Variants in CTNND2 observed in about 807,000 individuals in gnomAD.
CTNND2 encodes catenin delta 2.
In CTNND2, 22 loss-of-function variants were observed where a neutral mutation model predicts 144.4. The observed-to-expected ratio is 0.15, with a 90% CI of 0.11 to 0.22. CTNND2 has a LOEUF of 0.22. Ranked by LOEUF, CTNND2 falls within the 10% of genes least tolerant of loss-of-function variation. The pLI, the probability that CTNND2 is intolerant of heterozygous loss-of-function variation, is 1.00. For synonymous variants in CTNND2, 751 were observed against 695.6 expected, an observed-to-expected ratio of 1.08 and a Z score of -1.25; for missense variants, 1,353 against 1,618.8, an observed-to-expected ratio of 0.84 and a Z score of 2.82.
chr5:11,163,021 A>G (rs143718764), intron 11 of CTNND2, among the ~76,000 whole-genome samples: 711 of 152,274 alleles, frequency 4.7e-3, no homozygotes, highest in Non-Finnish European at 8.5e-3. Context: ...TTTTTTCCTC[A>G]AACTTTTACT....
intron 9 of CTNND2, among the ~76,000 whole-genome samples, chr5:11,290,389 A>G (rs997283459): frequency 5.9e-5 from 9 of 152,218 alleles, no homozygotes; most frequent in African/African-American, 1.7e-4. Flanking sequence ...TTGTGTTTCT[A>G]TTTGTAGCTC....
At chr5:11,559,292 C>A (rs145780606) in intron 3 of CTNND2, among the ~76,000 whole-genome samples, 1 of 151,984 alleles carries the variant, frequency 6.6e-6, no homozygotes, top group African/African-American at 2.4e-5. Context: ...GAATCAGAGA[C>A]GTTGACTTAG....
At position 11,241,579 on chromosome 5, in the gene CTNND2, TCTC is replaced by T. The variant is rs370692861; in HGVS notation, c.1629-4759_1629-4757del. Among the ~76,000 whole-genome samples the T allele has an allele frequency of 1.8e-4, 28 of 152,308 alleles. No individual in the cohort carries two copies. In the East Asian group the frequency reaches 3.7e-3, roughly 20 times the overall value. On this transcript the variant is annotated intron_variant, in intron 9 of 21. Transcript: ENST00000304623. ...AGAAAAGACTAATCTTTTCAAATGTTCTCCTCAATTTCACAAAATAGATGCTAA... is the reference window on the plus strand; with the variant it reads ...AGAAAAGACTAATCTTTTCAAATGTTCTCAATTTCACAAAATAGATGCTAA...
At chr5:11,143,150 C>G (rs916019121) in intron 12 of CTNND2, among the ~76,000 whole-genome samples, 1 of 152,140 alleles carries the variant, frequency 6.6e-6, no homozygotes, top group African/African-American at 2.4e-5. Context: ...ATGTCATGCA[C>G]AGAGGGCTAT....
chr5:11,434,831 C>G (rs1404537205), intron 3 of CTNND2, among the ~76,000 whole-genome samples: 1 of 152,060 alleles, frequency 6.6e-6, no homozygotes, highest in East Asian at 1.9e-4. Context: ...ATATCCCAGG[C>G]TCAAACATGT....
intron 11 of CTNND2, among the ~76,000 whole-genome samples, chr5:11,184,799 T>A (rs951776506): frequency 6.6e-6 from 1 of 152,180 alleles, no homozygotes; most frequent in African/African-American, 2.4e-5. Context: ...ATCAAGCACG[T>A]TCCTCATTAT....
chr5:11,553,909 A>T (rs1267672649), intron 3 of CTNND2, among the ~76,000 whole-genome samples: 1 of 152,130 alleles, frequency 6.6e-6, no homozygotes, highest in African/African-American at 2.4e-5. Flanking sequence ...AAGTAAGATG[A>T]CATTTAGGAA....
chr5:11,475,240 G>A (rs981616212), intron 3 of CTNND2, among the ~76,000 whole-genome samples: 2 of 152,218 alleles, frequency 1.3e-5, no homozygotes, highest in African/African-American at 2.4e-5. Flanking sequence ...CAGCAAGATC[G>A]AGGGGCTAAA....
At chr5:11,364,036 G>A (rs61750677) in intron 8 of CTNND2, among the ~76,000 whole-genome samples, 1 of 152,274 alleles carries the variant, frequency 6.6e-6, no homozygotes, top group South Asian at 2.1e-4. Flanking sequence ...ATCTAATTAT[G>A]ACATTTGACA....
chr5:11,373,211 A>C (rs865846227), intron 7 of CTNND2, among the ~76,000 whole-genome samples: 1 of 152,198 alleles, frequency 6.6e-6, no homozygotes, highest in Non-Finnish European at 1.5e-5. Context: ...GGCAAGAGTC[A>C]CTTCTAGTGG....
chr5:11,466,556 A>G (rs1327569420), intron 3 of CTNND2, among the ~76,000 whole-genome samples: 1 of 152,264 alleles, frequency 6.6e-6, no homozygotes, highest in African/African-American at 2.4e-5. Context: ...AGTAACAAGA[A>G]AATGTAATCT....
At chr5:11,722,038 T>A (rs1036950017) in intron 2 of CTNND2, among the ~76,000 whole-genome samples, 1 of 152,230 alleles carries the variant, frequency 6.6e-6, no homozygotes, top group Non-Finnish European at 1.5e-5. Context: ...CCCTGTTTAC[T>A]TCGCCTTCCT....
At chr5:11,460,054 G>A (rs961709387) in intron 3 of CTNND2, among the ~76,000 whole-genome samples, 4 of 152,132 alleles carry the variant, frequency 2.6e-5, no homozygotes, top group African/African-American at 7.2e-5. Context: ...AAGATCACCC[G>A]ACTGGGATGG....
intron 1 of CTNND2, among the ~76,000 whole-genome samples, chr5:11,757,273 CA>C (rs1789003739): frequency 6.6e-6 from 1 of 151,532 alleles, no homozygotes; most frequent in Non-Finnish European, 1.5e-5. Flanking sequence ...TCTTCGAGAC[CA>C]TTTCAGACCA....
At chr5:11,303,235 T>C (rs1749801220) in intron 9 of CTNND2, among the ~76,000 whole-genome samples, 1 of 152,206 alleles carries the variant, frequency 6.6e-6, no homozygotes, top group Non-Finnish European at 1.5e-5. Flanking sequence ...ATTCAGTCTC[T>C]GATGAGAAAA....
intron 11 of CTNND2, among the ~76,000 whole-genome samples, chr5:11,173,755 G>A (rs1160029356): frequency 6.6e-6 from 1 of 152,158 alleles, no homozygotes; most frequent in Non-Finnish European, 1.5e-5. Context: ...AACTTAAGAT[G>A]AAATTCCCAT....
chr5:11,164,202 T>C (rs1345303636), intron 11 of CTNND2, among the ~76,000 whole-genome samples: 2 of 152,112 alleles, frequency 1.3e-5, no homozygotes, highest in Non-Finnish European at 2.9e-5. Context: ...TAATCCAGGA[T>C]AATCTCCCCA....
chr5:11,034,943 A>C (rs1743905073), intron 16 of CTNND2, among the ~76,000 whole-genome samples: 1 of 151,682 alleles, frequency 6.6e-6, no homozygotes, highest in Admixed American at 6.6e-5. Flanking sequence ...ACATATGTAT[A>C]CATGTGCCAT....
intron 3 of CTNND2, among the ~76,000 whole-genome samples, chr5:11,478,205 C>T (rs544000608): frequency 1.3e-5 from 2 of 152,246 alleles, no homozygotes; most frequent in South Asian, 2.1e-4. Flanking sequence ...GACAGCAATT[C>T]GTTAAAAAAT....
Sources: allele counts gnomAD v4.1 joint callset (sites outside exome capture counted in the v4.1 genomes callset), GRCh38; gene constraint gnomAD v4.1.1; transcripts MANE v1.5; gene names NCBI Gene and HGNC (gene_info 2026-07-23, HGNC 2026-07-21).